Variants in PIAS3 observed in about 807,000 individuals in gnomAD.
PIAS3 encodes E3 SUMO-protein ligase PIAS3.
Under a neutral mutation model 67.6 loss-of-function variants are expected in PIAS3, and 34 were observed. The ratio of observed to expected loss-of-function variants is 0.50; its 90% CI spans 0.38 to 0.67. PIAS3 has a LOEUF of 0.67. Among genes scored for constraint, PIAS3 ranks in the 30% least tolerant of loss-of-function variants. The pLI, the probability that PIAS3 is intolerant of heterozygous loss-of-function variation, is 0.00. For missense variants in PIAS3, 693 were observed against 791.6 expected (o/e 0.88, Z 1.49); for synonymous variants, 341 against 313.8 (o/e 1.09, Z -0.92).
chr1:145,848,697 G>T lies in PIAS3; in HGVS notation c.*749C>A. 1.9e-6 allele frequency: 1 copy of T among 524,714 alleles called. No individual in the cohort carries two copies. The allele number at this position is 524,714 out of a possible 1,614,324, so 32.5% of individuals were successfully genotyped here. A position where few individuals can be genotyped will look rare whatever the true frequency, so the allele number is the denominator to read the frequency against. ...CAGAATGAGCCAGGCCTAACTACAG[G>T]GCCATGAGCCTCTAGAAGCTTAGGG... On this transcript the variant is annotated 3_prime_UTR_variant, in exon 14 of 14. Transcript: ENST00000393045.
rs782302916 is a variant in PIAS3 at position 145,855,836 on chromosome 1, G to A, written c.579-10C>T. 6.6e-7 allele frequency: 1 copy of A among 1,517,980 alleles called. No homozygotes were observed. The highest frequency in any genetic ancestry group is 9.2e-7 in the Non-Finnish European group (1 of 1,092,066). The allele number at this position is 1,517,980 out of a possible 1,614,324, so 94.0% of individuals were successfully genotyped here. ...CTCACAGAGACAGAACCTGGTAAGA[G>A]ATGAGAAAGGAAGAAAGAGTGGGAA... On this transcript the variant is annotated splice_polypyrimidine_tract_variant and intron_variant, in intron 4 of 13. Coordinates refer to ENST00000393045, the MANE Select transcript of PIAS3 (RefSeq NM_006099.3).
At chr1:145,855,454 C>A (rs1553735362) in intron 5 of PIAS3, among the ~76,000 whole-genome samples, 1 of 151,838 alleles carries the variant, frequency 6.6e-6, no homozygotes, top group Non-Finnish European at 1.5e-5. Flanking sequence ...TGCACTCCAG[C>A]CTGAGTGACA....
intron 9 of PIAS3, among the ~76,000 whole-genome samples, chr1:145,852,624 T>C (rs1653008807): frequency 6.6e-6 from 1 of 151,632 alleles, no homozygotes; most frequent in Admixed American, 6.6e-5. Context: ...AGGGTCTCAA[T>C]CTGTTGCCCA....
At chr1:145,852,528 C>G (rs1553734594) in intron 9 of PIAS3, among the ~76,000 whole-genome samples, 1 of 151,994 alleles carries the variant, frequency 6.6e-6, no homozygotes, top group Non-Finnish European at 1.5e-5. Context: ...AATGATACTA[C>G]CTATCTCATA....
Position 145,856,710 on chromosome 1 carries a change from C to T in PIAS3, c.321G>A (p.Leu107=), listed in dbSNP as rs782581715. The change falls in exon 2 of 14, where the codon CTG becomes CTA. Residue 107 remains leucine (L), a synonymous_variant. Coordinates refer to ENST00000393045, the MANE Select transcript of PIAS3 (RefSeq NM_006099.3). ...GCATGTCCACCTCACGCTTGGGGCC[C>T]AGCAGGGTGCCAGGGGCCAACAGCG... ...PPTLLAPGTL[L]GPKREVDMHP... The T allele has an allele frequency of 1.2e-6, 2 of 1,613,258 alleles. No homozygotes were observed. Among genetic ancestry groups the T allele is most frequent in the Non-Finnish European group, 1.7e-6 (2 of 1,179,402 alleles).
intron 5 of PIAS3, 151 bp downstream of exon 5, chr1:145,855,585 C>A: frequency 1.6e-6 from 1 of 641,920 alleles, no homozygotes; most frequent in Admixed American, 2.7e-5. Flanking sequence ...TCTTAATACT[C>A]TCGAGATTCT....
At chr1:145,858,479 T>G (rs904337444) in intron 1 of PIAS3, among the ~76,000 whole-genome samples, 1 of 146,076 alleles carries the variant, frequency 6.8e-6, no homozygotes, top group Middle Eastern at 3.8e-3. Flanking sequence ...AGCCTACTGG[T>G]ATTTCCCAAA....
intron 13 of PIAS3, 85 bp downstream of exon 13, chr1:145,850,147 A>G (rs1652897835): frequency 6.2e-7 from 1 of 1,601,012 alleles, no homozygotes; most frequent in African/African-American, 1.4e-5. Flanking sequence ...ACATCCCCAG[A>G]GATCATAAGA....
At chr1:145,856,566 TAA>T in intron 2 of PIAS3, 21 bp downstream of exon 2, 1 of 1,577,542 alleles carries the variant, frequency 6.3e-7, no homozygotes, top group Non-Finnish European at 8.6e-7. Context: ...TCCAGAAGAC[TAA>T]GGGACCACAA....
At position 145,855,831 on chromosome 1, in the gene PIAS3, T is replaced by C; in HGVS notation, c.579-5A>G. On this transcript the variant is annotated splice_polypyrimidine_tract_variant and splice_region_variant and intron_variant, in intron 4 of 13. Coordinates refer to ENST00000393045, the MANE Select transcript of PIAS3 (RefSeq NM_006099.3). ...CTGGTCTCACAGAGACAGAACCTGGTAAGAGATGAGAAAGGAAGAAAGAGT... is the reference window on the plus strand; with the variant it reads ...CTGGTCTCACAGAGACAGAACCTGGCAAGAGATGAGAAAGGAAGAAAGAGT... 1.9e-6 allele frequency: 3 copies of C among 1,553,930 alleles called. No individual in the cohort carries two copies. The highest frequency in any genetic ancestry group is 2.7e-6 in the Non-Finnish European group (3 of 1,125,188).
rs1553735422 is a variant in PIAS3 at position 145,855,754 on chromosome 1, C to T, written c.651G>A (p.Gly217=). 2 of 1,600,232 alleles carry T rather than the reference C, an allele frequency of 1.2e-6. No individual in the cohort carries two copies. The highest frequency in any genetic ancestry group is 3.3e-5 in the Admixed American group (2 of 59,724). The change falls in exon 5 of 14, where the codon GGG becomes GGA. Residue 217 remains glycine, a synonymous_variant. Coordinates refer to ENST00000393045, the MANE Select transcript of PIAS3 (RefSeq NM_006099.3). ...FPPNLFVKVN[G]KLCPLPGYLP... is the part of the protein sequence containing the mutation. ...CATTTACCGGCAGGGGGCACAGTTT[C>T]CCATTGACCTTGACAAAGAGGTTGG...
Position 145,849,630 on chromosome 1 carries a change from TGA to T in PIAS3, c.1701_1702del (p.His568LeufsTer75). On this transcript the variant is annotated frameshift_variant, in exon 14 of 14. Coordinates refer to ENST00000393045, the MANE Select transcript of PIAS3 (RefSeq NM_006099.3). LOFTEE classifies it high-confidence loss of function. ...CGTGGGGGCCAGTGGGCCCAGAAAG[TGA>T]GAAGGGGTCCCTCGGTACTGGAAGA... The T allele has an allele frequency of 6.2e-7, 1 of 1,613,030 alleles. No individual in the cohort carries two copies. The highest frequency in any genetic ancestry group is 8.5e-7 in the Non-Finnish European group (1 of 1,179,584).
At chr1:145,855,377 G>A (rs1653125480) in intron 5 of PIAS3, among the ~76,000 whole-genome samples, 1 of 152,032 alleles carries the variant, frequency 6.6e-6, no homozygotes. Context: ...AGCTACTTGG[G>A]AGGCTGAGGC....
intron 9 of PIAS3, among the ~76,000 whole-genome samples, chr1:145,852,054 A>G (rs1652985994): frequency 6.6e-6 from 1 of 152,086 alleles, no homozygotes. Context: ...TCCAAAAGGC[A>G]CTGGGTCTTT....
rs377332531 is a variant in PIAS3 at position 145,858,940 on chromosome 1, A to G, written c.24+27T>C. The G allele has an allele frequency of 4.6e-4, 687 of 1,508,618 alleles. 1 individual carries two copies. In the Middle Eastern group the frequency reaches 4.7e-3, roughly 10 times the overall value. The allele number at this position is 1,508,618 out of a possible 1,614,324, so 93.5% of individuals were successfully genotyped here. ...CGGCGTACCGCCGGGCTGAGTCCAG[A>G]TGGGGATGGGGGGAGGGGGCCGGTA... On this transcript the variant is annotated intron_variant, in intron 1 of 13. Coordinates refer to ENST00000393045, the MANE Select transcript of PIAS3 (RefSeq NM_006099.3).
At chr1:145,852,983 A>G (rs1406785607) in intron 9 of PIAS3, among the ~76,000 whole-genome samples, 2 of 152,016 alleles carry the variant, frequency 1.3e-5, no homozygotes, top group Non-Finnish European at 2.9e-5. Flanking sequence ...CTCCCCCTCC[A>G]CACACATGCA....
At chr1:145,851,607 G>A (rs1652966129) in intron 9 of PIAS3, among the ~76,000 whole-genome samples, 1 of 120,596 alleles carries the variant, frequency 8.3e-6, no homozygotes, top group South Asian at 2.9e-4. Context: ...AGTGAGCCTA[G>A]ACCACACCAC....
At chr1:145,855,401 G>C (rs890330915) in intron 5 of PIAS3, among the ~76,000 whole-genome samples, 1 of 151,796 alleles carries the variant, frequency 6.6e-6, no homozygotes, top group Non-Finnish European at 1.5e-5. Context: ...AGAATTGCTT[G>C]AACTAGGGAG....
chr1:145,858,649 T>A (rs1348559931), intron 1 of PIAS3, among the ~76,000 whole-genome samples: 1 of 147,496 alleles, frequency 6.8e-6, no homozygotes, highest in Non-Finnish European at 1.5e-5. Flanking sequence ...TACAGCACCT[T>A]TTCCCCCTGG....
Sources: allele counts gnomAD v4.1 joint callset (sites outside exome capture counted in the v4.1 genomes callset), GRCh38; gene constraint gnomAD v4.1.1; transcripts MANE v1.5; gene names NCBI Gene and HGNC (gene_info 2026-07-23, HGNC 2026-07-21).